Variants in CHKA observed in about 807,000 individuals in gnomAD.
CHKA encodes the protein CHETK-alpha.
CHKA carries 34 observed loss-of-function variants against 60.1 expected under a neutral mutation model. That is an observed-to-expected ratio of 0.57 (90% CI 0.43 to 0.75). The LOEUF is 0.75. CHKA is among the 30% of genes least tolerant of loss of function. CHKA has a pLI of 0.00. For synonymous variants in CHKA, 217 were observed against 223.1 expected, an observed-to-expected ratio of 0.97 and a Z score of 0.24; for missense variants, 563 against 561.3, an observed-to-expected ratio of 1.00 and a Z score of -0.03.
intron 3 of CHKA, among the ~76,000 whole-genome samples, chr11:68,079,039 T>G (rs1856886796): frequency 6.6e-6 from 1 of 151,464 alleles, no homozygotes; most frequent in South Asian, 2.1e-4. Flanking sequence ...GTTCATGCGA[T>G]TCTCCTGCCT....
chr11:68,101,941 A>G (rs529936343), intron 1 of CHKA, among the ~76,000 whole-genome samples: 7 of 152,112 alleles, frequency 4.6e-5, no homozygotes, highest in African/African-American at 1.7e-4. Context: ...CTCTACTAAA[A>G]ATACAAAAAT....
At chr11:68,105,514 CAAAAAAAAAA>C (rs1170085830) in intron 1 of CHKA, among the ~76,000 whole-genome samples, 33 of 64,950 alleles carry the variant, frequency 5.1e-4, no homozygotes, top group Non-Finnish European at 8.0e-4. Context: ...GACTCCATCT[CAAAAAAAAAA>C]AAAAAAAAAA....
chr11:68,096,718 T>C (rs1169938292), intron 2 of CHKA, among the ~76,000 whole-genome samples: 1 of 152,164 alleles, frequency 6.6e-6, no homozygotes, highest in Admixed American at 6.5e-5. Context: ...TTTTAATCAA[T>C]ATGTAGAACC....
At chr11:68,081,353 G>C (rs1397098315) in intron 3 of CHKA, 51 bp downstream of exon 3, 4 of 1,489,706 alleles carry the variant, frequency 2.7e-6, no homozygotes, top group Non-Finnish European at 3.7e-6. Context: ...GCGAAGGGTG[G>C]CTAACACTAG....
chr11:68,057,948 G>A (rs1856087569), intron 11 of CHKA, among the ~76,000 whole-genome samples: 1 of 152,082 alleles, frequency 6.6e-6, no homozygotes, highest in South Asian at 2.1e-4. Context: ...CCAGGCTGGA[G>A]TGCAGTGGTG....
At chr11:68,104,712 G>A (rs535726547) in intron 1 of CHKA, among the ~76,000 whole-genome samples, 138 of 152,008 alleles carry the variant, frequency 9.1e-4, no homozygotes, top group Admixed American at 1.5e-3. Flanking sequence ...GTGAGCCACC[G>A]CACCCGACCA....
At chr11:68,092,894 A>G (rs1200828379) in intron 2 of CHKA, among the ~76,000 whole-genome samples, 4 of 152,214 alleles carry the variant, frequency 2.6e-5, no homozygotes, top group African/African-American at 9.7e-5. Context: ...AAGCAAAGAA[A>G]TAGTTTTTTT....
chr11:68,084,346 G>A (rs1590857558), intron 2 of CHKA, among the ~76,000 whole-genome samples: 3 of 133,692 alleles, frequency 2.2e-5, no homozygotes, highest in African/African-American at 2.7e-5. Flanking sequence ...GTATATATAT[G>A]TGTATATATA....
intron 2 of CHKA, among the ~76,000 whole-genome samples, chr11:68,093,443 C>G (rs1016595382): frequency 6.6e-6 from 1 of 152,180 alleles, no homozygotes; most frequent in African/African-American, 2.4e-5. Context: ...CTCCTCCCCC[C>G]AAATTGGAAT....
intron 4 of CHKA, among the ~76,000 whole-genome samples, chr11:68,072,550 T>TAAAAAAAAAA (rs10708078): frequency 8.9e-6 from 1 of 112,748 alleles, no homozygotes. Context: ...GACCCTATCT[T>TAAAAAAAAAA]AAAAAAAAAA....
intron 10 of CHKA, among the ~76,000 whole-genome samples, chr11:68,062,275 T>C (rs1175735299): frequency 6.6e-6 from 1 of 152,274 alleles, no homozygotes; most frequent in African/African-American, 2.4e-5. Flanking sequence ...ACAGCTGGCC[T>C]GGCCATGGCA....
Position 68,121,132 on chromosome 11 carries a change from G to T in CHKA, c.46C>A (p.Leu16Ile). The T allele has an allele frequency of 8.3e-7, 1 of 1,210,492 alleles. No homozygotes were observed. The highest frequency in any genetic ancestry group is 4.3e-5 in the East Asian group (1 of 23,208). The allele number at this position is 1,210,492 out of a possible 1,614,324, so 75.0% of individuals were successfully genotyped here. A position where few individuals can be genotyped will look rare whatever the true frequency, so the allele number is the denominator to read the frequency against. ...CTGGEAEPSPLGLLLSCGSGS... is the reference protein window; with the variant it reads ...CTGGEAEPSPIGLLLSCGSGS... ...CTACCGCAGCTCAGCAGCAGCCCGA[G>T]CGGCGAGGGCTCCGCCTCGCCCCCG... The change falls in exon 1 of 12, where the codon CTC becomes ATC. Residue 16 changes from leucine to isoleucine, a missense_variant. Physicochemically the swap from Leu to Ile is conservative, Grantham distance 5. Coordinates refer to ENST00000265689, the MANE Select transcript of CHKA (RefSeq NM_001277.3).
intron 3 of CHKA, among the ~76,000 whole-genome samples, chr11:68,080,744 C>T (rs1856959511): frequency 6.6e-6 from 1 of 152,250 alleles, no homozygotes; most frequent in Admixed American, 6.5e-5. Flanking sequence ...GGCATGTGTG[C>T]ACATGCACCC....
intron 7 of CHKA, among the ~76,000 whole-genome samples, chr11:68,067,129 C>T (rs995337987): frequency 6.6e-6 from 1 of 152,142 alleles, no homozygotes; most frequent in East Asian, 1.9e-4. Context: ...TGCAGGCCTG[C>T]GTTCCTGAGA....
chr11:68,056,316 AC>A (rs1856013634), intron 11 of CHKA, among the ~76,000 whole-genome samples: 1 of 152,078 alleles, frequency 6.6e-6, no homozygotes, highest in African/African-American at 2.4e-5. Flanking sequence ...TCTCTCTCTG[AC>A]CTTCTGCCGT....
intron 9 of CHKA, among the ~76,000 whole-genome samples, chr11:68,064,867 T>C (rs1301247425): frequency 6.6e-6 from 1 of 152,176 alleles, no homozygotes; most frequent in Non-Finnish European, 1.5e-5. Flanking sequence ...TTCAGCATAC[T>C]TTTTCCATTT....
At chr11:68,074,521 C>T (rs1856722114) in intron 4 of CHKA, among the ~76,000 whole-genome samples, 196 bp downstream of exon 4, 2 of 152,190 alleles carry the variant, frequency 1.3e-5, no homozygotes, top group African/African-American at 2.4e-5. Context: ...TGGATGAATA[C>T]ACCTTTACAG....
At position 68,121,365 on chromosome 11, in the gene CHKA, G is replaced by C. The variant is rs931509139; in HGVS notation, c.-188C>G. 8.4e-5 allele frequency: 18 copies of C among 214,182 alleles called. No homozygotes were observed. The highest frequency in any genetic ancestry group is 1.3e-4 in the Non-Finnish European group (16 of 121,380). 13.3% of individuals were successfully genotyped at this position (214,182 alleles called of 1,614,324 possible). On this transcript the variant is annotated 5_prime_UTR_variant, in exon 1 of 12. Transcript: ENST00000265689. ...GGCGACTGTGGAGCGGGGATGTGCT[G>C]CTGGCCGCTGCACTCGCTCCTCTGC...
At chr11:68,068,996 T>C (rs1856531785) in intron 6 of CHKA, 59 bp from the exon 7 acceptor site, 2 of 1,358,912 alleles carry the variant, frequency 1.5e-6, no homozygotes, top group Non-Finnish European at 2.1e-6. Context: ...CACACAGTCT[T>C]GCTTTCTCCA....
Sources: allele counts gnomAD v4.1 joint callset (sites outside exome capture counted in the v4.1 genomes callset), GRCh38; gene constraint gnomAD v4.1.1; transcripts MANE v1.5; gene names NCBI Gene and HGNC (gene_info 2026-07-23, HGNC 2026-07-21).